SMCHD1: variants seen among roughly 807,000 people sequenced by gnomAD.
SMCHD1 encodes the protein structural maintenance of chromosomes flexible hinge domain containing 1.
In SMCHD1, 78 loss-of-function variants were observed where a neutral mutation model predicts 254.7. That is an observed-to-expected ratio of 0.31 (90% CI 0.26 to 0.37). SMCHD1 has a LOEUF of 0.37. SMCHD1 is among the 10% of genes least tolerant of loss of function. The pLI is 1.00. For synonymous variants in SMCHD1, 766 were observed against 794.9 expected (o/e 0.96, Z 0.61); for missense variants, 1,840 against 2,408.1 (o/e 0.76, Z 4.94).
chr18:2,681,651 G>A (rs2073933383), intron 5 of SMCHD1, among the ~76,000 whole-genome samples: 1 of 151,402 alleles, frequency 6.6e-6, no homozygotes. Context: ...TCATAACTTG[G>A]GCACTATAAG....
intron 29 of SMCHD1, among the ~76,000 whole-genome samples, chr18:2,745,627 T>C (rs1217792250): frequency 1.3e-5 from 2 of 152,194 alleles, no homozygotes; most frequent in Admixed American, 6.5e-5. Flanking sequence ...AGTGAAGTAT[T>C]TGTTGATTGA....
intron 28 of SMCHD1, among the ~76,000 whole-genome samples, chr18:2,742,175 T>C (rs2075364102): frequency 6.6e-6 from 1 of 152,174 alleles, no homozygotes; most frequent in African/African-American, 2.4e-5. Context: ...GTAATACCTA[T>C]AGTATTCCAC....
chr18:2,667,229 T>C (rs964659463), intron 3 of SMCHD1, among the ~76,000 whole-genome samples, 198 bp downstream of exon 3: 1 of 152,184 alleles, frequency 6.6e-6, no homozygotes, highest in Non-Finnish European at 1.5e-5. Context: ...AAAACTCTCC[T>C]TTAAAGCTAA....
chr18:2,739,328 G>T, intron 26 of SMCHD1, 104 bp from the exon 27 acceptor site: 1 of 765,494 alleles, frequency 1.3e-6, no homozygotes, highest in South Asian at 1.6e-5. Context: ...TATTGTATTT[G>T]AGTTATTGGA....
intron 17 of SMCHD1, among the ~76,000 whole-genome samples, chr18:2,710,416 C>T (rs527917479): frequency 1.3e-5 from 2 of 152,300 alleles, no homozygotes; most frequent in East Asian, 3.9e-4. Flanking sequence ...TTTTCTATTT[C>T]TGCAGAAAAC....
Position 2,729,401 on chromosome 18 carries a change from G to A in SMCHD1, c.3040G>A (p.Glu1014Lys). 1.3e-6 allele frequency: 2 copies of A among 1,522,430 alleles called. No individual in the cohort carries two copies. The highest frequency in any genetic ancestry group is 1.8e-6 in the Non-Finnish European group (2 of 1,136,110). 94.3% of individuals were successfully genotyped at this position (1,522,430 alleles called of 1,614,324 possible). The part of the protein sequence containing the change: ...KKDQTLKARI[E>K]IPSCKDVAPV... ...AGACCAGACGCTTAAAGCAAGAATT[G>A]AAATACCTGTAAGTTATTATTGTTA... is the stretch of plus-strand genomic sequence containing the variant. The change falls in exon 24 of 48, where the codon GAA (glutamate) becomes AAA (lysine). Residue 1014 changes from glutamate to lysine, a missense_variant. Coordinates refer to ENST00000320876, the MANE Select transcript of SMCHD1 (RefSeq NM_015295.3).
chr18:2,735,022 A>C (rs1296271866), intron 25 of SMCHD1, among the ~76,000 whole-genome samples: 1 of 151,856 alleles, frequency 6.6e-6, no homozygotes, highest in Non-Finnish European at 1.5e-5. Flanking sequence ...GTGAGCCAAG[A>C]TTGCGCCACT....
intron 40 of SMCHD1, among the ~76,000 whole-genome samples, chr18:2,772,011 G>A (rs1467319820): frequency 1.2e-4 from 19 of 152,098 alleles, no homozygotes; most frequent in South Asian, 8.3e-4. Flanking sequence ...GTATTTCTTG[G>A]CTAAGATTTT....
chr18:2,714,381 T>C (rs2074750196), intron 17 of SMCHD1, among the ~76,000 whole-genome samples: 1 of 152,174 alleles, frequency 6.6e-6, no homozygotes, highest in Non-Finnish European at 1.5e-5. Flanking sequence ...GTAATATGAG[T>C]TTATTGTGAG....
chr18:2,778,018 C>A, intron 43 of SMCHD1, 103 bp downstream of exon 43: 2 of 1,011,080 alleles, frequency 2.0e-6, no homozygotes, highest in Non-Finnish European at 2.9e-6. Flanking sequence ...TTTTGCTTAT[C>A]AGTCATAGTT....
chr18:2,790,965 G>GTAACTA (rs2076309975), intron 45 of SMCHD1, among the ~76,000 whole-genome samples: 1 of 152,080 alleles, frequency 6.6e-6, no homozygotes, highest in African/African-American at 2.4e-5. Context: ...AAATAAAATG[G>GTAACTA]TAACTATTTG....
rs483547 is a variant in SMCHD1 at position 2,763,699 on chromosome 18, C to A, written c.4629C>A (p.Gly1543=). 6.2e-7 allele frequency: 1 copy of A among 1,605,542 alleles called. No homozygotes were observed. The highest frequency in any genetic ancestry group is 8.5e-7 in the Non-Finnish European group (1 of 1,175,760). Residue 1543 remains glycine, a synonymous_variant, in exon 37 of 48, where the codon GGC becomes GGA. Transcript: ENST00000320876. ...GCACTATAATAGCCACCATTAAAGG[C>A]TCTAATGAGGAAGATACTGATACCC... ...LVGTIIATIK[G]SNEEDTDTPL...
At chr18:2,760,235 A>G (rs1488328152) in intron 34 of SMCHD1, among the ~76,000 whole-genome samples, 3 of 152,210 alleles carry the variant, frequency 2.0e-5, no homozygotes, top group Non-Finnish European at 4.4e-5. Context: ...TAAATATTTC[A>G]AATAGTACTT....
chr18:2,770,864 GCCCA>G (rs2075969568), intron 39 of SMCHD1, among the ~76,000 whole-genome samples: 1 of 152,030 alleles, frequency 6.6e-6, no homozygotes, highest in Non-Finnish European at 1.5e-5. Flanking sequence ...CAAGTGATCT[GCCCA>G]CCTTGGCCCC....
At chr18:2,773,510 T>G (rs2076016841) in intron 41 of SMCHD1, among the ~76,000 whole-genome samples, 1 of 152,224 alleles carries the variant, frequency 6.6e-6, no homozygotes, top group African/African-American at 2.4e-5. Flanking sequence ...TTCTCTTTTG[T>G]CCCCTCAGAA....
intron 45 of SMCHD1, among the ~76,000 whole-genome samples, chr18:2,794,319 C>A (rs2076222118): frequency 1.3e-5 from 2 of 152,082 alleles, no homozygotes; most frequent in Non-Finnish European, 2.9e-5. Context: ...CATAGTGAAA[C>A]CCCGTCTCTA....
chr18:2,756,529 A>G lies in SMCHD1; in HGVS notation c.4346+3977A>G, dbSNP rs560803741. Among the ~76,000 whole-genome samples, 3 of 152,262 alleles carry G rather than the reference A, an allele frequency of 2.0e-5. No individual in the cohort carries two copies. In the South Asian group the frequency reaches 6.2e-4, roughly 32 times the overall value. On this transcript the variant is annotated intron_variant, in intron 34 of 47. Coordinates refer to ENST00000320876, the MANE Select transcript of SMCHD1 (RefSeq NM_015295.3). ...TTTAGTGATGGATTCAGTTTGTTCA[A>G]ATTCAGAAGTTATAGAACTATTTGT...
chr18:2,792,355 A>G (rs2076182020), intron 45 of SMCHD1, among the ~76,000 whole-genome samples: 1 of 152,236 alleles, frequency 6.6e-6, no homozygotes, highest in African/African-American at 2.4e-5. Flanking sequence ...GCAATGGGCT[A>G]TACCATATAC....
intron 25 of SMCHD1, among the ~76,000 whole-genome samples, chr18:2,733,543 A>T (rs1044181373): frequency 5.9e-5 from 9 of 152,216 alleles, no homozygotes; most frequent in African/African-American, 2.2e-4. Context: ...TAGTCAACTG[A>T]GGTGACTGAT....
Sources: gnomAD v4.1 joint callset for allele counts (sites outside exome capture counted in the v4.1 genomes callset) on GRCh38, gnomAD v4.1.1 for gene constraint, MANE v1.5 for transcripts, NCBI Gene and HGNC (gene_info 2026-07-23, HGNC 2026-07-21) for gene names.